CD302: variants seen among roughly 807,000 people sequenced by gnomAD.
CD302 encodes the protein CD302 antigen.
CD302 carries 23 observed loss-of-function variants against 26.5 expected under a neutral mutation model. The observed-to-expected ratio is 0.87, with a 90% confidence interval of 0.62 to 1.23. CD302 has a LOEUF of 1.23. Ranked by LOEUF, CD302 falls within the 50% of genes most tolerant of loss-of-function variation. The probability of loss-of-function intolerance (pLI) is 0.00; values close to 1 mark genes in which losing one functional copy is unlikely to be tolerated. For missense variants in CD302, 290 were observed against 275.5 expected (o/e 1.05, Z -0.37); for synonymous variants, 90 against 99.4 (o/e 0.91, Z 0.56).
chr2:159,776,916 CAA>C (rs999958678), intron 5 of CD302, among the ~76,000 whole-genome samples: 3 of 152,058 alleles, frequency 2.0e-5, no homozygotes, highest in Non-Finnish European at 4.4e-5. Context: ...TTTAAAGAAA[CAA>C]AATTTGTTTT....
At chr2:159,775,071 C>T (rs1708269539) in intron 5 of CD302, among the ~76,000 whole-genome samples, 2 of 152,180 alleles carry the variant, frequency 1.3e-5, no homozygotes, top group Non-Finnish European at 1.5e-5. Context: ...CAACACCTCC[C>T]TTCTTGCACT....
intron 5 of CD302, among the ~76,000 whole-genome samples, chr2:159,776,621 ACTT>A (rs1708334267): frequency 6.6e-6 from 1 of 150,632 alleles, no homozygotes; most frequent in Non-Finnish European, 1.5e-5. Flanking sequence ...CAAACCCAAC[ACTT>A]CTTTTCTCCT....
rs1048419527 is a variant in CD302, at chr2:159,768,961, T to C, written c.*2890A>G. The C allele has an allele frequency of 2.6e-5, 4 of 152,222 alleles. No individual in the cohort carries two copies. Among genetic ancestry groups the C allele is most frequent in the African/African-American group, 9.6e-5 (4 of 41,458 alleles). 9.4% of individuals were successfully genotyped at this position (152,222 alleles called of 1,614,324 possible). A position where few individuals can be genotyped will look rare whatever the true frequency, so the allele number is the denominator to read the frequency against. Reference sequence around the variant, plus strand: ...TTTGTTATTAAATGCTAAATGACAGTGATAACAATGGCTTAAGCTTTACAG... The same window carrying C: ...TTTGTTATTAAATGCTAAATGACAGCGATAACAATGGCTTAAGCTTTACAG... On this transcript the variant is annotated 3_prime_UTR_variant, in exon 6 of 6. Coordinates refer to ENST00000259053, the MANE Select transcript of CD302 (RefSeq NM_014880.5).
At chr2:159,786,539 G>T (rs1708670762) in intron 1 of CD302, among the ~76,000 whole-genome samples, 1 of 151,910 alleles carries the variant, frequency 6.6e-6, no homozygotes, top group African/African-American at 2.4e-5. Context: ...TCACCATGTT[G>T]GTTAGGCTGG....
At chr2:159,795,180 GCCACCGCACTCCA>G (rs1708918399) in intron 1 of CD302, among the ~76,000 whole-genome samples, 1 of 150,774 alleles carries the variant, frequency 6.6e-6, no homozygotes, top group African/African-American at 2.4e-5. Context: ...CCGAGATTGC[GCCACCGCACTCCA>G]GCCTGGGTGA....
At chr2:159,791,210 C>G (rs1708797975) in intron 1 of CD302, among the ~76,000 whole-genome samples, 1 of 152,182 alleles carries the variant, frequency 6.6e-6, no homozygotes, top group African/African-American at 2.4e-5. Context: ...AAGACATGCT[C>G]AGGCTACCAG....
At chr2:159,789,737 G>C (rs1278861143) in intron 1 of CD302, among the ~76,000 whole-genome samples, 3 of 152,188 alleles carry the variant, frequency 2.0e-5, no homozygotes, top group African/African-American at 7.2e-5. Flanking sequence ...GGGATTGCCA[G>C]TTGAAAGCCT....
intron 1 of CD302, among the ~76,000 whole-genome samples, chr2:159,785,211 G>C (rs1362515819): frequency 6.6e-6 from 1 of 152,064 alleles, no homozygotes; most frequent in Non-Finnish European, 1.5e-5. Flanking sequence ...CCTGGGCTCA[G>C]CAATTCTCCC....
At chr2:159,797,828 C>T (rs1574508545) in intron 1 of CD302, among the ~76,000 whole-genome samples, 1 of 152,220 alleles carries the variant, frequency 6.6e-6, no homozygotes, top group East Asian at 1.9e-4. Context: ...CTCAGTTCTC[C>T]GGCCAACTGG....
At chr2:159,776,712 TTTTTTTTTTTG>T (rs1257136729) in intron 5 of CD302, among the ~76,000 whole-genome samples, 775 of 39,698 alleles carry the variant, frequency 0.02, 2 homozygotes, top group African/African-American at 0.063. Flanking sequence ...TTTTTTTTTT[TTTTTTTTTTTG>T]TGAGATGGAG....
chr2:159,790,630 T>G (rs1708782459), intron 1 of CD302, among the ~76,000 whole-genome samples: 1 of 152,178 alleles, frequency 6.6e-6, no homozygotes, highest in Non-Finnish European at 1.5e-5. Flanking sequence ...TTTTTTCCCT[T>G]TTTACTTTCT....
chr2:159,789,316 A>G (rs1231609371), intron 1 of CD302, among the ~76,000 whole-genome samples: 6 of 151,928 alleles, frequency 3.9e-5, no homozygotes, highest in Non-Finnish European at 7.4e-5. Context: ...TCAGTTTTTC[A>G]TGCTGTTAAA....
Position 159,798,139 on chromosome 2 carries a change from G to A in CD302, c.60C>T (p.Ala20=). The A allele has an allele frequency of 6.7e-7, 1 of 1,486,538 alleles. No homozygotes were observed. The highest frequency in any genetic ancestry group is 2.9e-5 in the East Asian group (1 of 34,032). 92.1% of individuals were successfully genotyped at this position (1,486,538 alleles called of 1,614,324 possible). A position where few individuals can be genotyped will look rare whatever the true frequency, so the allele number is the denominator to read the frequency against. The change falls in exon 1 of 6, where the codon GCC becomes GCT. Residue 20 remains alanine, a synonymous_variant. Transcript: ENST00000259053. The stretch of plus-strand genomic sequence containing the variant: ...GACTACGTAAGGGCTTACCCGCGAC[G>A]GCAGCAGCGGCGAGGCCCAGCAACG... ...LLPLLGLAAA[A]VADCPSSTWI... is the part of the protein sequence containing the mutation.
At chr2:159,795,644 G>A (rs1449590406) in intron 1 of CD302, among the ~76,000 whole-genome samples, 3 of 152,198 alleles carry the variant, frequency 2.0e-5, no homozygotes, top group Non-Finnish European at 4.4e-5. Context: ...GGTGGAGGTG[G>A]GGGCAGCCAT....
chr2:159,793,958 T>G (rs899997799), intron 1 of CD302, among the ~76,000 whole-genome samples: 7 of 152,012 alleles, frequency 4.6e-5, no homozygotes, highest in African/African-American at 1.7e-4. Context: ...GTCTCAAGAT[T>G]TGCTCTCAAA....
At chr2:159,793,298 A>G (rs1375858323) in intron 1 of CD302, among the ~76,000 whole-genome samples, 1 of 152,216 alleles carries the variant, frequency 6.6e-6, no homozygotes, top group African/African-American at 2.4e-5. Context: ...AAAAGTTTCT[A>G]TATAGATCCT....
intron 5 of CD302, among the ~76,000 whole-genome samples, chr2:159,776,315 T>C (rs1325446971): frequency 6.6e-6 from 1 of 152,194 alleles, no homozygotes; most frequent in Non-Finnish European, 1.5e-5. Flanking sequence ...TGCTTCCACC[T>C]TTTGGCTATG....
At chr2:159,797,415 T>A (rs1419898606) in intron 1 of CD302, among the ~76,000 whole-genome samples, 2 of 152,220 alleles carry the variant, frequency 1.3e-5, no homozygotes, top group Admixed American at 6.5e-5. Flanking sequence ...GGAAATTTTT[T>A]AAAAATAAAG....
chr2:159,790,038 A>G (rs1708767594), intron 1 of CD302, among the ~76,000 whole-genome samples: 1 of 152,222 alleles, frequency 6.6e-6, no homozygotes, highest in Non-Finnish European at 1.5e-5. Flanking sequence ...GCAAAATTCC[A>G]TCTTTTATAC....
Sources: allele counts gnomAD v4.1 joint callset (sites outside exome capture counted in the v4.1 genomes callset), GRCh38; gene constraint gnomAD v4.1.1; transcripts MANE v1.5; gene names NCBI Gene and HGNC (gene_info 2026-07-23, HGNC 2026-07-21).